The following ARAP2 variants were observed in gnomAD, a reference collection of about 807,000 sequenced individuals.
The protein encoded by ARAP2 is ArfGAP with RhoGAP domain, ankyrin repeat and PH domain 2.
In ARAP2, 148 loss-of-function variants were observed where a neutral mutation model predicts 194.5. The ratio of observed to expected loss-of-function variants is 0.76; its 90% confidence interval spans 0.67 to 0.87. The LOEUF is 0.87. Among genes scored for constraint, ARAP2 ranks in the 40% least tolerant of loss-of-function variants. The pLI, the probability that ARAP2 is intolerant of heterozygous loss-of-function variation, is 0.00. For missense variants in ARAP2, 2,128 were observed against 1,989.7 expected (o/e 1.07, Z -1.32); for synonymous variants, 695 against 683.5 (o/e 1.02, Z -0.26).
chr4:36,193,532 C>G, intron 7 of ARAP2, 46 bp downstream of exon 7: 1 of 1,297,828 alleles, frequency 7.7e-7, no homozygotes, highest in South Asian at 1.5e-5. Flanking sequence ...TTTTACTCTT[C>G]GTATGCATAA....
At chr4:36,009,369 G>T (rs1376847593) in intron 9 of ARAP2, among the ~76,000 whole-genome samples, 3 of 152,076 alleles carry the variant, frequency 2.0e-5, no homozygotes, top group Non-Finnish European at 4.4e-5. Flanking sequence ...AAAAAAGAAT[G>T]ATTTCATGTC....
chr4:36,197,152 C>G (rs542583562), intron 6 of ARAP2, among the ~76,000 whole-genome samples: 38 of 151,642 alleles, frequency 2.5e-4, no homozygotes, highest in Non-Finnish European at 5.1e-4. Context: ...AATTGACATA[C>G]TTATGGGGTA....
chr4:36,190,235 C>T (rs952760674), intron 7 of ARAP2, among the ~76,000 whole-genome samples: 2 of 152,284 alleles, frequency 1.3e-5, no homozygotes, highest in Non-Finnish European at 1.5e-5. Context: ...TCTCAAACCC[C>T]TCATCCTCAC....
At chr4:36,114,081 A>T in intron 26 of ARAP2, 89 bp downstream of exon 26, 1 of 941,502 alleles carries the variant, frequency 1.1e-6, no homozygotes, top group Non-Finnish European at 1.7e-6. Flanking sequence ...ACAAGATGTT[A>T]AGACATAAAA....
At chr4:36,102,883 G>C (rs1717376831) in intron 27 of ARAP2, among the ~76,000 whole-genome samples, 1 of 151,380 alleles carries the variant, frequency 6.6e-6, no homozygotes, top group African/African-American at 2.4e-5. Flanking sequence ...AAAATGTCAG[G>C]AAATTGGTAC....
chr4:36,183,406 G>A (rs9985576), intron 8 of ARAP2, among the ~76,000 whole-genome samples: 136,734 of 152,192 alleles, frequency 0.9, 61,549 homozygotes, highest in East Asian at 1. Flanking sequence ...TTCCCACGGG[G>A]TCTAGAATCT....
intron 9 of ARAP2, among the ~76,000 whole-genome samples, chr4:36,168,346 G>A (rs1735766749): frequency 6.6e-6 from 1 of 152,132 alleles, no homozygotes; most frequent in African/African-American, 2.4e-5. Flanking sequence ...GGAAAATTGA[G>A]GACAAATTCT....
At chr4:36,046,631 C>A (rs557097713) in intron 4 of ARAP2, 2 of 152,248 alleles carry the variant, frequency 1.3e-5, no homozygotes, top group South Asian at 4.2e-4. Flanking sequence ...GGCTATCATC[C>A]CCAAAAGTTG....
chr4:36,225,688 G>T (rs1234941302), intron 2 of ARAP2, among the ~76,000 whole-genome samples: 2 of 152,062 alleles, frequency 1.3e-5, no homozygotes, highest in Admixed American at 6.6e-5. Context: ...GAGGAAGGAG[G>T]CAGGAGGGCA....
Position 36,134,267 on chromosome 4 carries a change from A to G in ARAP2, c.3264-878T>C, listed in dbSNP as rs17516297. 9.1e-3 allele frequency among the ~76,000 whole-genome samples: 1,382 copies of G among 151,880 alleles called. 15 individuals carry two copies. The highest frequency in any genetic ancestry group is 0.013 in the Non-Finnish European group (863 of 67,824). ...ATCTTCACCTTAATGTGCAATAAGC[A>G]TATCAAAGCTTTTGCTCTCCCATAC... On this transcript the variant is annotated intron_variant, in intron 19 of 32. Transcript: ENST00000303965.
chr4:36,113,868 T>C (rs1479240863), intron 26 of ARAP2, among the ~76,000 whole-genome samples: 1 of 152,036 alleles, frequency 6.6e-6, no homozygotes, highest in Non-Finnish European at 1.5e-5. Flanking sequence ...CAGTAATTCA[T>C]ACCACTCAGA....
At chr4:36,014,339 AAAGAAAGAAAG>A (rs2109320184) in intron 8 of ARAP2, among the ~76,000 whole-genome samples, 1 of 99,352 alleles carries the variant, frequency 1.0e-5, no homozygotes, top group South Asian at 2.8e-4. Context: ...AGAAAGAAAG[AAAGAAAGAAAG>A]AAAGAAAGAA....
At chr4:36,193,357 G>A (rs908352880) in intron 7 of ARAP2, among the ~76,000 whole-genome samples, 3 of 152,164 alleles carry the variant, frequency 2.0e-5, no homozygotes, top group Non-Finnish European at 4.4e-5. Context: ...AGAGCATGTG[G>A]TTAAATCTTA....
intron 11 of ARAP2, 41 bp from the exon 12 acceptor site, chr4:36,161,591 T>G (rs763541969): frequency 6.6e-7 from 1 of 1,512,838 alleles, no homozygotes; most frequent in South Asian, 1.1e-5. Flanking sequence ...TTAATTTGTA[T>G]GTAAATTTAT....
Position 36,167,060 on chromosome 4 carries a change from A to G in ARAP2, c.1858-13T>C. 1 of 1,348,400 alleles carries G rather than the reference A, an allele frequency of 7.4e-7. No individual in the cohort carries two copies. The highest frequency in any genetic ancestry group is 1.0e-6 in the Non-Finnish European group (1 of 977,464). The allele number at this position is 1,348,400 out of a possible 1,614,324, so 83.5% of individuals were successfully genotyped here. A position where few individuals can be genotyped will look rare whatever the true frequency, so the allele number is the denominator to read the frequency against. On this transcript the variant is annotated splice_polypyrimidine_tract_variant and intron_variant, in intron 9 of 32. Coordinates refer to ENST00000303965, the MANE Select transcript of ARAP2 (RefSeq NM_015230.4). ...CACTCTTAAAATCCTAGTTTGGAGA[A>G]AAACATAAAAAACTATAAAGAAACA...
At chr4:36,055,196 G>A (rs1723287553) in intron 2 of ARAP2, among the ~76,000 whole-genome samples, 1 of 152,102 alleles carries the variant, frequency 6.6e-6, no homozygotes, top group African/African-American at 2.4e-5. Flanking sequence ...CACTGAATGA[G>A]ATTTAGCGTT....
chr4:36,117,047 C>A lies in ARAP2; in HGVS notation c.4038+14G>T. The stretch of plus-strand genomic sequence containing the variant: ...CTTCCAACAGTCCTCTTTACATCCA[C>A]CTTTAGAACTTACCCGAATTATAAT... On this transcript the variant is annotated intron_variant, in intron 25 of 32. Transcript: ENST00000303965. 1 of 1,563,786 alleles carries A rather than the reference C, an allele frequency of 6.4e-7. No homozygotes were observed. Among genetic ancestry groups the A allele is most frequent in the Non-Finnish European group, 8.7e-7 (1 of 1,153,216 alleles).
chr4:36,053,576 G>C (rs1010573105), intron 2 of ARAP2, among the ~76,000 whole-genome samples: 2 of 152,152 alleles, frequency 1.3e-5, no homozygotes, highest in Non-Finnish European at 2.9e-5. Context: ...GGAATTACTT[G>C]TATCTTCAAC....
In ARAP2 at chr4:36,086,260, C is replaced by A. The variant is rs574140887; in HGVS notation, c.4426-2810G>T. Reference sequence around the variant, plus strand: ...TGAGAAGCACTATGCCTGAACCAGACAGTCTTCATTTACACAGGACATTGA... The same window carrying A: ...TGAGAAGCACTATGCCTGAACCAGAAAGTCTTCATTTACACAGGACATTGA... On this transcript the variant is annotated intron_variant, in intron 28 of 32. Coordinates refer to ENST00000303965, the MANE Select transcript of ARAP2 (RefSeq NM_015230.4). 2.0e-5 allele frequency among the ~76,000 whole-genome samples: 3 copies of A among 152,186 alleles called. No homozygotes were observed. In the East Asian group the frequency reaches 5.8e-4, roughly 29 times the overall value.
Sources: allele counts gnomAD v4.1 joint callset (sites outside exome capture counted in the v4.1 genomes callset), GRCh38; gene constraint gnomAD v4.1.1; transcripts MANE v1.5; gene names NCBI Gene and HGNC (gene_info 2026-07-23, HGNC 2026-07-21).